The following COL24A1 variants were observed in gnomAD, a reference collection of about 807,000 sequenced individuals.
The protein encoded by COL24A1 is collagen alpha-1(XXIV) chain.
In COL24A1, 224 loss-of-function variants were observed where a neutral mutation model predicts 253.9. That is an observed-to-expected ratio of 0.88 (90% CI 0.79 to 0.99). The LOEUF (loss-of-function observed/expected upper bound fraction) is 0.99, where lower values mean the gene tolerates loss of function less well. Ranked by LOEUF, COL24A1 falls within the 50% of genes least tolerant of loss-of-function variation. The probability of loss-of-function intolerance (pLI) is 0.00; values close to 1 mark genes in which losing one functional copy is unlikely to be tolerated. For synonymous variants in COL24A1, 685 were observed against 673.7 expected, an observed-to-expected ratio of 1.02 and a Z score of -0.26; for missense variants, 2,131 against 2,068.5, an observed-to-expected ratio of 1.03 and a Z score of -0.59.
intron 5 of COL24A1, among the ~76,000 whole-genome samples, chr1:86,101,353 T>A (rs1262209694): frequency 6.6e-6 from 1 of 152,192 alleles, no homozygotes; most frequent in Non-Finnish European, 1.5e-5. Context: ...TGACTCCCTC[T>A]CTTCCTATTT....
At chr1:85,792,766 T>G (rs1374333377) in intron 47 of COL24A1, among the ~76,000 whole-genome samples, 1 of 151,828 alleles carries the variant, frequency 6.6e-6, no homozygotes, top group Non-Finnish European at 1.5e-5. Context: ...TGTGATGGAA[T>G]GTACTATATA....
At chr1:85,962,445 C>T (rs1435236484) in intron 23 of COL24A1, among the ~76,000 whole-genome samples, 6 of 152,286 alleles carry the variant, frequency 3.9e-5, no homozygotes, top group African/African-American at 1.4e-4. Flanking sequence ...CATTTCACTA[C>T]AGAAATATTA....
intron 2 of COL24A1, among the ~76,000 whole-genome samples, chr1:86,142,177 G>A (rs974479943): frequency 7.3e-5 from 11 of 150,696 alleles, no homozygotes; most frequent in African/African-American, 2.7e-4. Context: ...TCAAAGAAAC[G>A]AGAACAGGAT....
chr1:85,949,246 A>T (rs1689660793), intron 24 of COL24A1, among the ~76,000 whole-genome samples: 1 of 152,320 alleles, frequency 6.6e-6, no homozygotes, highest in African/African-American at 2.4e-5. Context: ...AGGAATATAA[A>T]TAGGAAGGGA....
At chr1:86,064,206 C>A (rs1313787903) in intron 7 of COL24A1, among the ~76,000 whole-genome samples, 4 of 152,058 alleles carry the variant, frequency 2.6e-5, no homozygotes, top group African/African-American at 9.7e-5. Flanking sequence ...CAGGCAGTTC[C>A]TCTAACCCAA....
At chr1:85,986,116 T>C (rs992679618) in intron 20 of COL24A1, among the ~76,000 whole-genome samples, 4 of 151,998 alleles carry the variant, frequency 2.6e-5, no homozygotes, top group African/African-American at 9.6e-5. Flanking sequence ...ACAGTATTGC[T>C]GATTATATAT....
chr1:85,946,240 T>G (rs1689311129), intron 24 of COL24A1, among the ~76,000 whole-genome samples: 1 of 152,138 alleles, frequency 6.6e-6, no homozygotes, highest in Non-Finnish European at 1.5e-5. Context: ...ACTTCCGAGT[T>G]GAGGGTATTA....
intron 23 of COL24A1, among the ~76,000 whole-genome samples, chr1:85,964,379 T>C (rs1691358691): frequency 6.6e-6 from 1 of 152,140 alleles, no homozygotes; most frequent in African/African-American, 2.4e-5. Flanking sequence ...AGTGATTATC[T>C]AGTGAATATT....
chr1:85,827,717 T>G (rs910765577), intron 43 of COL24A1, among the ~76,000 whole-genome samples: 3 of 151,850 alleles, frequency 2.0e-5, no homozygotes, highest in Admixed American at 6.6e-5. Context: ...TGCGTAGAGG[T>G]GTTTGTAGTA....
At chr1:85,758,272 T>C (rs547308676) in intron 55 of COL24A1, among the ~76,000 whole-genome samples, 1 of 42,300 alleles carries the variant, frequency 2.4e-5, no homozygotes, top group Admixed American at 2.0e-4. Context: ...AACCAGTATA[T>C]AATAGCAGCA....
intron 19 of COL24A1, among the ~76,000 whole-genome samples, chr1:86,008,462 G>C (rs1028676249): frequency 2.6e-5 from 4 of 152,086 alleles, no homozygotes; most frequent in Non-Finnish European, 5.9e-5. Flanking sequence ...GCCCAGGCCA[G>C]TATTGAACTC....
At chr1:86,129,238 A>G (rs72716183) in intron 2 of COL24A1, among the ~76,000 whole-genome samples, 9,330 of 151,844 alleles carry the variant, frequency 0.061, 365 homozygotes, top group East Asian at 0.14. Flanking sequence ...AAATCTTCAC[A>G]TAATAATCCC....
chr1:85,741,491 T>C (rs1202968983), intron 57 of COL24A1, among the ~76,000 whole-genome samples: 2 of 152,212 alleles, frequency 1.3e-5, no homozygotes, highest in Non-Finnish European at 2.9e-5. Flanking sequence ...AAAGCTACAG[T>C]CTGTATGAAT....
intron 55 of COL24A1, among the ~76,000 whole-genome samples, chr1:85,754,680 T>C (rs927140748): frequency 2.0e-5 from 3 of 151,278 alleles, no homozygotes; most frequent in African/African-American, 7.3e-5. Flanking sequence ...GTACAATAGC[T>C]GAAATAAAAA....
chr1:85,970,405 T>C, intron 21 of COL24A1, 134 bp from the exon 22 acceptor site: 1 of 894,244 alleles, frequency 1.1e-6, no homozygotes, highest in Non-Finnish European at 1.6e-6. Context: ...TGTTATTTTC[T>C]TGTACTTTGA....
In COL24A1 at chr1:86,105,749, A is replaced by G. The variant is rs1265297462; in HGVS notation, c.1599+6818T>C. ...CTTATCTAAGCCGCTCTCCCTGTCA[A>G]TGAAGTGGCTGTGGTGGTTGAGGGG... On this transcript the variant is annotated intron_variant, in intron 5 of 59. Transcript: ENST00000370571. 2.6e-5 allele frequency among the ~76,000 whole-genome samples: 4 copies of G among 152,254 alleles called. No individual in the cohort carries two copies. In the East Asian group the frequency reaches 7.7e-4, roughly 29 times the overall value.
rs1424340996 is a variant in COL24A1, at chr1:86,125,289, C to A, written c.1047G>T (p.Leu349=). The A allele has an allele frequency of 6.2e-7, 1 of 1,613,506 alleles. No homozygotes were observed. Among genetic ancestry groups the A allele is most frequent in the Non-Finnish European group, 8.5e-7 (1 of 1,179,806 alleles). ...TEEDTQTNFS[L]SVTTHRISEA... The stretch of plus-strand genomic sequence containing the variant: ...CACTGATGCGATGAGTGGTCACTGA[C>A]AGGCTGAAATTTGTCTGAGTATCTT... The change falls in exon 3 of 60, where the codon CTG becomes CTT. Residue 349 remains leucine (L), a synonymous_variant. Transcript: ENST00000370571.
chr1:85,866,913 A>C (rs572658793), intron 37 of COL24A1, among the ~76,000 whole-genome samples: 1 of 152,230 alleles, frequency 6.6e-6, no homozygotes, highest in Non-Finnish European at 1.5e-5. Context: ...TGTAAAACTG[A>C]AAAGAAAAAA....
intron 14 of COL24A1, among the ~76,000 whole-genome samples, chr1:86,024,829 AAC>A (rs1369277994): frequency 1.3e-5 from 2 of 152,106 alleles, no homozygotes; most frequent in Non-Finnish European, 2.9e-5. Flanking sequence ...TATCTTAACA[AAC>A]ACACACACAA....
Sources: allele counts gnomAD v4.1 joint callset (sites outside exome capture counted in the v4.1 genomes callset), GRCh38; gene constraint gnomAD v4.1.1; transcripts MANE v1.5; gene names NCBI Gene and HGNC (gene_info 2026-07-23, HGNC 2026-07-21).